Variants in SHANK2 observed in about 807,000 individuals in gnomAD.
SHANK2 encodes SH3 and multiple ankyrin repeat domains 2.
A neutral mutation model predicts 133.7 loss-of-function variants in SHANK2; 43 were observed. The ratio of observed to expected loss-of-function variants is 0.32; its 90% CI spans 0.25 to 0.41. The LOEUF is 0.41. Ranked by LOEUF, SHANK2 falls within the 10% of genes least tolerant of loss-of-function variation. The pLI, the probability that SHANK2 is intolerant of heterozygous loss-of-function variation, is 1.00. For synonymous variants in SHANK2, 1,017 were observed against 952.8 expected (o/e 1.07, Z -1.24); for missense variants, 1,994 against 2,235.8 (o/e 0.89, Z 2.18).
At chr11:70,660,096 G>C in intron 16 of SHANK2, 144 bp from the exon 17 acceptor site, 1 of 1,002,112 alleles carries the variant, frequency 1.0e-6, no homozygotes, top group Non-Finnish European at 1.5e-6. Context: ...CTCTCCCCCA[G>C]GAAGGGCTTG....
chr11:70,735,245 TC>T (rs2134755448), intron 14 of SHANK2, among the ~76,000 whole-genome samples: 1 of 152,244 alleles, frequency 6.6e-6, no homozygotes, highest in East Asian at 1.9e-4. Flanking sequence ...TCTGCAAGTG[TC>T]CCAGGTGGAG....
intron 3 of SHANK2, among the ~76,000 whole-genome samples, chr11:71,120,849 G>A (rs1266781934): frequency 1.8e-4 from 27 of 152,164 alleles, no homozygotes; most frequent in East Asian, 7.7e-4. Flanking sequence ...AACATCCACA[G>A]AGCCCATGGC....
chr11:71,205,114 C>T (rs1954102802), intron 2 of SHANK2, among the ~76,000 whole-genome samples: 2 of 152,168 alleles, frequency 1.3e-5, no homozygotes, highest in East Asian at 1.9e-4. Flanking sequence ...CCCTGGATTC[C>T]GTAGCACCCT....
chr11:70,616,869 T>C (rs1259363240), intron 17 of SHANK2, among the ~76,000 whole-genome samples: 16 of 152,160 alleles, frequency 1.1e-4, no homozygotes, highest in African/African-American at 3.9e-4. Flanking sequence ...GAAGAGGAGA[T>C]GACAAATGCC....
chr11:70,750,243 G>A (rs1399863068), intron 14 of SHANK2, among the ~76,000 whole-genome samples: 1 of 152,228 alleles, frequency 6.6e-6, no homozygotes, highest in East Asian at 1.9e-4. Context: ...TGTATAACAA[G>A]TGTGGATAAA....
At position 70,845,975 on chromosome 11, in the gene SHANK2, G is replaced by A. The variant is rs979236880; in HGVS notation, c.1175-25293C>T. ...CCAGAGACGCTGTTCCCCGTCTCCCGACACTGGAGAAACAGGTGGCCAAGG... is the reference window on the plus strand; with the variant it reads ...CCAGAGACGCTGTTCCCCGTCTCCCAACACTGGAGAAACAGGTGGCCAAGG... On this transcript the variant is annotated intron_variant, in intron 11 of 25. Coordinates refer to ENST00000601538, the MANE Select transcript of SHANK2 (RefSeq NM_012309.5). Among the ~76,000 whole-genome samples the A allele has an allele frequency of 3.4e-4, 51 of 152,180 alleles. 1 individual carries two copies. The highest frequency in any genetic ancestry group is 7.3e-5 in the Non-Finnish European group (5 of 68,042).
At chr11:71,058,668 G>C (rs1950950123) in intron 9 of SHANK2, among the ~76,000 whole-genome samples, 2 of 152,214 alleles carry the variant, frequency 1.3e-5, no homozygotes, top group African/African-American at 2.4e-5. Flanking sequence ...GCCTGTACTG[G>C]GCAGATCCTG....
At chr11:70,713,608 C>A (rs1945842980) in intron 14 of SHANK2, among the ~76,000 whole-genome samples, 1 of 152,176 alleles carries the variant, frequency 6.6e-6, no homozygotes. Context: ...GAGGTGTCAG[C>A]CTCCAAGAGT....
chr11:70,677,380 C>T (rs1944921981), intron 15 of SHANK2, among the ~76,000 whole-genome samples: 1 of 152,196 alleles, frequency 6.6e-6, no homozygotes, highest in African/African-American at 2.4e-5. Context: ...TGCCGAGTCT[C>T]CTCTATCCTT....
At chr11:70,630,408 G>A (rs1157201415) in intron 17 of SHANK2, among the ~76,000 whole-genome samples, 2 of 152,240 alleles carry the variant, frequency 1.3e-5, no homozygotes, top group Non-Finnish European at 2.9e-5. Context: ...TGCGGACAAA[G>A]TGGCATCTCT....
chr11:70,820,914 G>A (rs1489633402), intron 11 of SHANK2, among the ~76,000 whole-genome samples: 2 of 152,172 alleles, frequency 1.3e-5, no homozygotes, highest in Admixed American at 6.5e-5. Context: ...TCCACGGCAC[G>A]GAGCTCAAGC....
At chr11:71,073,579 C>T (rs1470195468) in intron 9 of SHANK2, among the ~76,000 whole-genome samples, 2 of 151,606 alleles carry the variant, frequency 1.3e-5, no homozygotes, top group Non-Finnish European at 2.9e-5. Context: ...GTGATCCTCC[C>T]ACCTCAGCCT....
At chr11:70,798,310 T>A in intron 14 of SHANK2, 133 bp downstream of exon 14, 1 of 671,474 alleles carries the variant, frequency 1.5e-6, no homozygotes, top group Non-Finnish European at 2.8e-6. Flanking sequence ...TCCAAAGATC[T>A]AGAAAGTCCT....
chr11:70,881,573 A>G (rs1949661080), intron 11 of SHANK2, among the ~76,000 whole-genome samples: 1 of 13,446 alleles, frequency 7.4e-5, no homozygotes. Flanking sequence ...TAATAATAAT[A>G]TTAATAATAA....
At chr11:70,522,976 C>T (rs1229389894) in intron 17 of SHANK2, among the ~76,000 whole-genome samples, 1 of 152,226 alleles carries the variant, frequency 6.6e-6, no homozygotes, top group East Asian at 1.9e-4. Flanking sequence ...AGCTCCAATC[C>T]ACACCCTCTT....
intron 23 of SHANK2, chr11:70,490,012 G>A (rs1162308253): frequency 4.6e-6 from 1 of 217,470 alleles, no homozygotes; most frequent in Admixed American, 6.5e-5. Context: ...AATTATCACA[G>A]ATAACTGGGC....
chr11:70,881,609 CA>C (rs1207558837), intron 11 of SHANK2, among the ~76,000 whole-genome samples: 20 of 149,754 alleles, frequency 1.3e-4, no homozygotes, highest in Non-Finnish European at 1.6e-4. Flanking sequence ...TAGTAAACTC[CA>C]GGGGGCTTGG....
chr11:71,168,573 G>A (rs1458565596), intron 2 of SHANK2, among the ~76,000 whole-genome samples: 3 of 152,250 alleles, frequency 2.0e-5, no homozygotes, highest in Admixed American at 6.5e-5. Flanking sequence ...CTGCAATCCC[G>A]GCACTTCAGG....
Position 70,521,591 on chromosome 11 carries a change from TC to T in SHANK2, c.2062-18661del, listed in dbSNP as rs537892184. On this transcript the variant is annotated intron_variant, in intron 17 of 25. Coordinates refer to ENST00000601538, the MANE Select transcript of SHANK2 (RefSeq NM_012309.5). ...TAAAACAAGTTATTTTGGTGGATTA[TC>T]CTTCCATTAAAAAGGAGAAATGAGC... Among the ~76,000 whole-genome samples, 136 of 152,240 alleles carry T rather than the reference TC, an allele frequency of 8.9e-4. 3 individuals carry two copies. Among genetic ancestry groups the T allele is most frequent in the Non-Finnish European group, 7.9e-4 (54 of 68,040 alleles).
Sources: gnomAD v4.1 joint callset for allele counts (sites outside exome capture counted in the v4.1 genomes callset) on GRCh38, gnomAD v4.1.1 for gene constraint, MANE v1.5 for transcripts, NCBI Gene and HGNC (gene_info 2026-07-23, HGNC 2026-07-21) for gene names.